TCF7L2: variants seen among roughly 807,000 people sequenced by gnomAD.
TCF7L2 encodes transcription factor 7-like 2.
In TCF7L2, 23 loss-of-function variants were observed where a neutral mutation model predicts 77.9. The observed-to-expected ratio is 0.30, with a 90% CI of 0.21 to 0.42. The LOEUF is 0.42. Ranked by LOEUF, TCF7L2 falls within the 10% of genes least tolerant of loss-of-function variation. The pLI is 1.00. For synonymous variants in TCF7L2, 413 were observed against 340.2 expected, an observed-to-expected ratio of 1.21 and a Z score of -2.36; for missense variants, 654 against 793.1, an observed-to-expected ratio of 0.82 and a Z score of 2.11.
chr10:113,144,307 A>G (rs1171740564), intron 7 of TCF7L2, among the ~76,000 whole-genome samples: 1 of 152,166 alleles, frequency 6.6e-6, no homozygotes, highest in Non-Finnish European at 1.5e-5. Context: ...CTGTGGACAG[A>G]GGTGCCCTGC....
chr10:113,100,580 CTCA>C, intron 5 of TCF7L2, among the ~76,000 whole-genome samples: 1 of 152,204 alleles, frequency 6.6e-6, no homozygotes, highest in South Asian at 2.1e-4. Context: ...GGAAGATTCT[CTCA>C]TCCTCCCCGC....
intron 3 of TCF7L2, among the ~76,000 whole-genome samples, chr10:112,959,521 T>C (rs557194017): frequency 1.3e-5 from 2 of 152,356 alleles, no homozygotes; most frequent in Non-Finnish European, 2.9e-5. Context: ...CAGCAGAATT[T>C]CTGAGGCAGA....
At chr10:113,004,185 C>G (rs904717012) in intron 4 of TCF7L2, among the ~76,000 whole-genome samples, 2 of 152,182 alleles carry the variant, frequency 1.3e-5, no homozygotes, top group East Asian at 3.9e-4. Flanking sequence ...AGAGAAGTCT[C>G]CGGGGTGTAG....
intron 4 of TCF7L2, among the ~76,000 whole-genome samples, chr10:112,985,888 G>GTGTA (rs2041425759): frequency 6.6e-6 from 1 of 151,898 alleles, no homozygotes; most frequent in Non-Finnish European, 1.5e-5. Flanking sequence ...GTGTGTGTGT[G>GTGTA]TGTGCATTCT....
At chr10:113,155,315 A>G (rs188123618) in intron 11 of TCF7L2, among the ~76,000 whole-genome samples, 195 of 152,296 alleles carry the variant, frequency 1.3e-3, no homozygotes, top group Non-Finnish European at 2.3e-3. Context: ...GGTAAAGGAT[A>G]GAGGTCCCAT....
At chr10:113,122,128 C>T (rs1438052313) in intron 5 of TCF7L2, among the ~76,000 whole-genome samples, 1 of 152,182 alleles carries the variant, frequency 6.6e-6, no homozygotes, top group Non-Finnish European at 1.5e-5. Flanking sequence ...GACATTGATT[C>T]TTCTCCTGAA....
At chr10:112,960,779 C>T (rs907716928) in intron 3 of TCF7L2, among the ~76,000 whole-genome samples, 3 of 151,520 alleles carry the variant, frequency 2.0e-5, no homozygotes, top group African/African-American at 7.3e-5. Flanking sequence ...CCTCTGCCTT[C>T]CCGGCTCAAG....
rs2030715721 is a variant in TCF7L2, at chr10:112,950,684, G to T, written c.-73G>T. Reference sequence around the variant, plus strand: ...ATTTTTTGGGGGGGCAAAACTTTTTGGGGGTGATTTTTTTTGGCTTTTCTT... The same window carrying T: ...ATTTTTTGGGGGGGCAAAACTTTTTTGGGGTGATTTTTTTTGGCTTTTCTT... On this transcript the variant is annotated 5_prime_UTR_variant, in exon 1 of 14. Transcript: ENST00000627217. 10 of 1,487,890 alleles carry T rather than the reference G, an allele frequency of 6.7e-6. No individual in the cohort carries two copies. Among genetic ancestry groups the T allele is most frequent in the South Asian group, 5.1e-5 (4 of 78,248 alleles). 92.2% of individuals were successfully genotyped at this position (1,487,890 alleles called of 1,614,324 possible).
At chr10:113,095,098 T>TC (rs1425492253) in intron 5 of TCF7L2, among the ~76,000 whole-genome samples, 3 of 152,068 alleles carry the variant, frequency 2.0e-5, no homozygotes, top group African/African-American at 4.8e-5. Flanking sequence ...AGAGCAAGAC[T>TC]CCATCTCAAA....
chr10:113,157,946 C>T (rs945981401), intron 11 of TCF7L2, 75 bp from the exon 12 acceptor site: 1 of 1,485,652 alleles, frequency 6.7e-7, no homozygotes, highest in Non-Finnish European at 9.2e-7. Flanking sequence ...CTGCCTTCTC[C>T]TTCCAGGTGC....
intron 4 of TCF7L2, among the ~76,000 whole-genome samples, chr10:113,033,653 T>C (rs2050641540): frequency 6.6e-6 from 1 of 152,248 alleles, no homozygotes; most frequent in African/African-American, 2.4e-5. Context: ...TACTTATTTA[T>C]GTTAAACAAC....
intron 5 of TCF7L2, among the ~76,000 whole-genome samples, chr10:113,049,511 A>G (rs1442447059): frequency 6.6e-6 from 1 of 151,938 alleles, no homozygotes; most frequent in Non-Finnish European, 1.5e-5. Flanking sequence ...CACCTCTGCC[A>G]TTACCACTGG....
At chr10:112,983,937 C>T (rs760792574) in intron 4 of TCF7L2, among the ~76,000 whole-genome samples, 1 of 152,188 alleles carries the variant, frequency 6.6e-6, no homozygotes, top group Non-Finnish European at 1.5e-5. Flanking sequence ...GGGAGCTTGT[C>T]CAGAATGATT....
Position 113,167,289 on chromosome 10 carries a change from G to A in TCF7L2, c.*1317G>A, listed in dbSNP as rs1427853959. 2.2e-5 allele frequency: 5 copies of A among 227,224 alleles called. No individual in the cohort carries two copies. The highest frequency in any genetic ancestry group is 1.3e-3 in the Middle Eastern group (1 of 774). 14.1% of individuals were successfully genotyped at this position (227,224 alleles called of 1,614,324 possible). A position where few individuals can be genotyped will look rare whatever the true frequency, so the allele number is the denominator to read the frequency against. On this transcript the variant is annotated 3_prime_UTR_variant, in exon 14 of 14. Transcript: ENST00000627217. ...TCTGTATATTAGATTACTCTTAAACGAAAAACCAGCTGCCGCTTTTATGTA... is the reference window on the plus strand; with the variant it reads ...TCTGTATATTAGATTACTCTTAAACAAAAAACCAGCTGCCGCTTTTATGTA...
chr10:112,975,142 A>G (rs1409707757), intron 4 of TCF7L2, among the ~76,000 whole-genome samples: 1 of 152,348 alleles, frequency 6.6e-6, no homozygotes, highest in East Asian at 1.9e-4. Context: ...ATAAAGTTTA[A>G]AAGTAGGTAC....
intron 3 of TCF7L2, among the ~76,000 whole-genome samples, chr10:112,959,805 G>GCC (rs2034602521): frequency 6.6e-6 from 1 of 152,114 alleles, no homozygotes; most frequent in Non-Finnish European, 1.5e-5. Flanking sequence ...GCTTATAATG[G>GCC]CCTGTGGTTG....
intron 5 of TCF7L2, chr10:113,129,237 A>G (rs952274878): frequency 1.9e-5 from 17 of 893,032 alleles, no homozygotes; most frequent in East Asian, 1.2e-4. Flanking sequence ...CCCTCTCCCT[A>G]AGAAATTTGT....
intron 4 of TCF7L2, among the ~76,000 whole-genome samples, chr10:113,019,237 C>T (rs1040668848): frequency 2.0e-5 from 3 of 152,200 alleles, no homozygotes; most frequent in Non-Finnish European, 2.9e-5. Context: ...CTCTTAACCC[C>T]GGCGTGGTTG....
intron 5 of TCF7L2, among the ~76,000 whole-genome samples, chr10:113,047,479 T>C (rs941031192): frequency 6.6e-6 from 1 of 152,216 alleles, no homozygotes; most frequent in African/African-American, 2.4e-5. Context: ...AAATCATTTC[T>C]TGAATAATTG....
Sources: allele counts gnomAD v4.1 joint callset (sites outside exome capture counted in the v4.1 genomes callset), GRCh38; gene constraint gnomAD v4.1.1; transcripts MANE v1.5; gene names NCBI Gene and HGNC (gene_info 2026-07-23, HGNC 2026-07-21).